TEX14: variants seen among roughly 807,000 people sequenced by gnomAD.
TEX14 encodes testis expressed 14, intercellular bridge forming factor, also known as inactive serine/threonine-protein kinase TEX14.
In TEX14, 168 loss-of-function variants were observed where a neutral mutation model predicts 178.6. The ratio of observed to expected loss-of-function variants is 0.94; its 90% CI spans 0.83 to 1.07. TEX14 has a LOEUF of 1.07. TEX14 is among the 50% of genes least tolerant of loss of function. The probability of loss-of-function intolerance (pLI) is 0.00; values close to 1 mark genes in which losing one functional copy is unlikely to be tolerated. For missense variants in TEX14, 1,730 were observed against 1,753.6 expected (o/e 0.99, Z 0.24); for synonymous variants, 626 against 634.1 (o/e 0.99, Z 0.19).
intron 10 of TEX14, 79 bp from the exon 11 acceptor site, chr17:58,605,208 T>C (rs2045578844): frequency 6.7e-7 from 1 of 1,498,346 alleles, no homozygotes; most frequent in Non-Finnish European, 9.1e-7. Flanking sequence ...CATTCTTTCA[T>C]TCATTCAGAG....
At chr17:58,690,926 G>T (rs914636814) in intron 1 of TEX14, among the ~76,000 whole-genome samples, 1 of 152,122 alleles carries the variant, frequency 6.6e-6, no homozygotes, top group Non-Finnish European at 1.5e-5. Flanking sequence ...GAGTGCAGTG[G>T]CGTGATCATA....
chr17:58,592,443 T>A (rs765537426), intron 15 of TEX14, among the ~76,000 whole-genome samples: 1 of 152,038 alleles, frequency 6.6e-6, no homozygotes, highest in Non-Finnish European at 1.5e-5. Context: ...CACGCCATTT[T>A]CCTGCCTCAG....
intron 1 of TEX14, among the ~76,000 whole-genome samples, chr17:58,658,634 A>G (rs1260592174): frequency 6.6e-6 from 1 of 151,684 alleles, no homozygotes; most frequent in Non-Finnish European, 1.5e-5. Context: ...CAAGTGATCC[A>G]CCCACCTCGG....
intron 1 of TEX14, among the ~76,000 whole-genome samples, chr17:58,670,685 A>C (rs1014236040): frequency 6.8e-6 from 1 of 147,986 alleles, no homozygotes; most frequent in East Asian, 2.1e-4. Flanking sequence ...AGGCAGGATA[A>C]TTGCTTGAAC....
At chr17:58,559,346 AG>A in intron 30 of TEX14, 106 bp downstream of exon 30, 1 of 596,494 alleles carries the variant, frequency 1.7e-6, no homozygotes, top group Non-Finnish European at 3.0e-6. Flanking sequence ...AAATTATCAA[AG>A]GTAGGAGGAT....
At chr17:58,601,359 A>G (rs2045434918) in intron 13 of TEX14, among the ~76,000 whole-genome samples, 1 of 152,002 alleles carries the variant, frequency 6.6e-6, no homozygotes, top group Admixed American at 6.6e-5. Flanking sequence ...CGTCTCTACT[A>G]AAAATACAAA....
chr17:58,645,203 T>G (rs2567898), intron 2 of TEX14, among the ~76,000 whole-genome samples: 96,464 of 150,768 alleles, frequency 0.64, 31,085 homozygotes, highest in African/African-American at 0.71. Context: ...GACCAAGATG[T>G]TCTCCAACTC....
intron 1 of TEX14, among the ~76,000 whole-genome samples, chr17:58,678,648 G>C (rs569350473): frequency 2.0e-5 from 3 of 151,942 alleles, no homozygotes; most frequent in African/African-American, 7.2e-5. Context: ...CACGGGGTGG[G>C]GAACATCATA....
chr17:58,623,066 T>G, intron 3 of TEX14, 54 bp from the exon 4 acceptor site: 1 of 1,537,104 alleles, frequency 6.5e-7, no homozygotes, highest in South Asian at 1.2e-5. Context: ...CTGCATTCCA[T>G]GGAGCGGGGC....
chr17:58,682,051 C>T (rs1282508560), intron 1 of TEX14, among the ~76,000 whole-genome samples: 1 of 150,712 alleles, frequency 6.6e-6, no homozygotes, highest in Non-Finnish European at 1.5e-5. Context: ...AGCCTTGACC[C>T]CCAGGGGTCA....
chr17:58,605,195 A>T, intron 10 of TEX14, 66 bp from the exon 11 acceptor site: 2 of 1,530,890 alleles, frequency 1.3e-6, no homozygotes, highest in Non-Finnish European at 8.9e-7. Context: ...TCATTCATTC[A>T]TTCATTCTTT....
At chr17:58,619,921 T>G (rs188290064) in intron 5 of TEX14, among the ~76,000 whole-genome samples, 17 of 152,178 alleles carry the variant, frequency 1.1e-4, no homozygotes, top group African/African-American at 1.7e-4. Context: ...GTAACTAAGA[T>G]TGTAAAAGCT....
intron 2 of TEX14, 137 bp downstream of exon 2, chr17:58,651,729 A>C: frequency 6.0e-6 from 5 of 827,540 alleles, no homozygotes; most frequent in Non-Finnish European, 9.2e-6. Context: ...CTGCACTGCT[A>C]GAGAACATCT....
At chr17:58,564,645 T>G (rs2044358774) in intron 28 of TEX14, among the ~76,000 whole-genome samples, 1 of 152,182 alleles carries the variant, frequency 6.6e-6, no homozygotes. Context: ...TAAAAATGGT[T>G]AAGATGGTAA....
chr17:58,650,281 A>C (rs1291570040), intron 2 of TEX14, among the ~76,000 whole-genome samples: 1 of 151,946 alleles, frequency 6.6e-6, no homozygotes, highest in Non-Finnish European at 1.5e-5. Flanking sequence ...TCGAATCCTG[A>C]CCTCAGATGA....
chr17:58,655,318 G>C (rs1005059156), intron 1 of TEX14, among the ~76,000 whole-genome samples: 1 of 151,916 alleles, frequency 6.6e-6, no homozygotes, highest in Non-Finnish European at 1.5e-5. Context: ...CGAGTAGCTA[G>C]GCCTACAGGC....
chr17:58,621,598 G>C, intron 5 of TEX14, 52 bp downstream of exon 5: 1 of 1,549,598 alleles, frequency 6.5e-7, no homozygotes, highest in Non-Finnish European at 8.8e-7. Context: ...GGGCTCCCAC[G>C]AGGAAGGCTG....
chr17:58,676,954 T>TA (rs2047405487), intron 1 of TEX14, among the ~76,000 whole-genome samples: 1 of 151,616 alleles, frequency 6.6e-6, no homozygotes, highest in South Asian at 2.1e-4. Flanking sequence ...CCGTCTCTAC[T>TA]AAAAAATACA....
At chr17:58,653,681 C>G (rs2046887224) in intron 1 of TEX14, among the ~76,000 whole-genome samples, 1 of 152,148 alleles carries the variant, frequency 6.6e-6, no homozygotes, top group Admixed American at 6.6e-5. Context: ...TCTTTCTCTG[C>G]TGCAACCCAG....
Sources: allele counts gnomAD v4.1 joint callset (sites outside exome capture counted in the v4.1 genomes callset), GRCh38; gene constraint gnomAD v4.1.1; transcripts MANE v1.5; gene names NCBI Gene and HGNC (gene_info 2026-07-23, HGNC 2026-07-21).